Variants in ATE1 observed in about 807,000 individuals in gnomAD.
ATE1 encodes arginyltransferase 1.
ATE1 carries 36 observed loss-of-function variants against 70.5 expected under a neutral mutation model. That is an observed-to-expected ratio of 0.51 (90% confidence interval 0.39 to 0.67). The LOEUF (loss-of-function observed/expected upper bound fraction) is 0.67. ATE1 is among the 30% of genes least tolerant of loss of function. ATE1 has a pLI of 0.00. For missense variants in ATE1, 593 were observed against 629.5 expected, an observed-to-expected ratio of 0.94 and a Z score of 0.62; for synonymous variants, 232 against 219.3, an observed-to-expected ratio of 1.06 and a Z score of -0.51.
At chr10:121,826,366 C>T (rs1009456892) in intron 10 of ATE1, among the ~76,000 whole-genome samples, 2 of 152,086 alleles carry the variant, frequency 1.3e-5, no homozygotes, top group Non-Finnish European at 2.9e-5. Context: ...AGTGCAGTGG[C>T]GCAATCTCGG....
chr10:121,853,044 T>C (rs1949113385), intron 8 of ATE1, among the ~76,000 whole-genome samples: 1 of 152,136 alleles, frequency 6.6e-6, no homozygotes, highest in Non-Finnish European at 1.5e-5. Context: ...TATTTTTCAA[T>C]AAACATGCAT....
intron 3 of ATE1, among the ~76,000 whole-genome samples, chr10:121,915,725 T>C (rs1035454551): frequency 2.7e-5 from 4 of 146,880 alleles, no homozygotes; most frequent in Admixed American, 6.8e-5. Flanking sequence ...CTGTCTCTAA[T>C]AAAAATACAA....
chr10:121,802,387 C>T (rs1946922104), intron 10 of ATE1, among the ~76,000 whole-genome samples: 1 of 151,952 alleles, frequency 6.6e-6, no homozygotes, highest in African/African-American at 2.4e-5. Flanking sequence ...TGGCCCACTG[C>T]AACCTCCGCC....
intron 10 of ATE1, among the ~76,000 whole-genome samples, chr10:121,807,925 GC>G (rs552895892): frequency 9.4e-4 from 143 of 152,264 alleles, no homozygotes; most frequent in Middle Eastern, 6.8e-3. Flanking sequence ...TTCACACACT[GC>G]CTGTGGCTGC....
At chr10:121,819,915 G>A in intron 10 of ATE1, among the ~76,000 whole-genome samples, 1 of 151,996 alleles carries the variant, frequency 6.6e-6, no homozygotes, top group East Asian at 1.9e-4. Context: ...GGAGGCCAAG[G>A]TGGGCAGATC....
At chr10:121,862,914 C>T (rs1044894205) in intron 8 of ATE1, among the ~76,000 whole-genome samples, 8 of 149,792 alleles carry the variant, frequency 5.3e-5, no homozygotes, top group African/African-American at 1.9e-4. Context: ...TTCTGAATAA[C>T]CCACCCTTTA....
chr10:121,816,539 G>A lies in ATE1; in HGVS notation c.1257+20179C>T, dbSNP rs187142032. On this transcript the variant is annotated intron_variant, in intron 10 of 11. Transcript: ENST00000224652. ...TGTTCCCTTTTTGTCCTTCTGCCCC[G>A]TGAGGACACTATTTGTCCCCTTTTT... Among the ~76,000 whole-genome samples, 40 of 152,182 alleles carry A rather than the reference G, an allele frequency of 2.6e-4. No individual in the cohort carries two copies. In the East Asian group the frequency reaches 5.8e-3, roughly 22 times the overall value.
intron 10 of ATE1, among the ~76,000 whole-genome samples, chr10:121,803,211 G>A (rs1203055352): frequency 6.6e-6 from 1 of 152,122 alleles, no homozygotes; most frequent in Admixed American, 6.6e-5. Flanking sequence ...TGCATATGAA[G>A]AATTCCTTGT....
intron 11 of ATE1, among the ~76,000 whole-genome samples, chr10:121,764,444 C>G (rs1379808102): frequency 6.7e-6 from 1 of 148,260 alleles, no homozygotes; most frequent in Non-Finnish European, 1.5e-5. Context: ...TGAGACCAGC[C>G]CAGGCAACAT....
chr10:121,784,729 T>C (rs531757096), intron 11 of ATE1, among the ~76,000 whole-genome samples: 121 of 152,138 alleles, frequency 8.0e-4, no homozygotes, highest in African/African-American at 2.8e-3. Flanking sequence ...TGTGATGGCT[T>C]GCACCTACAA....
At chr10:121,897,130 G>A (rs981954426) in intron 7 of ATE1, among the ~76,000 whole-genome samples, 7 of 152,080 alleles carry the variant, frequency 4.6e-5, no homozygotes, top group African/African-American at 1.7e-4. Flanking sequence ...TAATTCTAAA[G>A]GCACTGGAAT....
At chr10:121,880,889 A>G (rs559038604) in intron 7 of ATE1, among the ~76,000 whole-genome samples, 1 of 152,312 alleles carries the variant, frequency 6.6e-6, no homozygotes, top group South Asian at 2.1e-4. Context: ...GATGCTCTTC[A>G]GTTTTAATGT....
chr10:121,778,144 T>C (rs967826887), intron 11 of ATE1, among the ~76,000 whole-genome samples: 2 of 152,196 alleles, frequency 1.3e-5, no homozygotes, highest in African/African-American at 4.8e-5. Flanking sequence ...ACTGAAAACC[T>C]CACGTTTAAC....
chr10:121,906,177 T>A (rs1043185917), intron 5 of ATE1, among the ~76,000 whole-genome samples: 1 of 152,144 alleles, frequency 6.6e-6, no homozygotes, highest in Non-Finnish European at 1.5e-5. Context: ...GAGGACTCCT[T>A]AAGCACAGGA....
intron 8 of ATE1, among the ~76,000 whole-genome samples, chr10:121,848,593 G>A (rs1483714882): frequency 6.7e-6 from 1 of 148,274 alleles, no homozygotes; most frequent in Non-Finnish European, 1.5e-5. Context: ...ACTCCAGCCT[G>A]GGCAACAAGA....
At chr10:121,839,731 C>T (rs1439445184) in intron 9 of ATE1, among the ~76,000 whole-genome samples, 3 of 151,964 alleles carry the variant, frequency 2.0e-5, no homozygotes, top group Admixed American at 6.6e-5. Context: ...TAAAAATTGG[C>T]ATTAAGAAAA....
intron 5 of ATE1, among the ~76,000 whole-genome samples, chr10:121,904,271 C>T (rs1192595495): frequency 2.0e-5 from 3 of 151,638 alleles, no homozygotes; most frequent in South Asian, 2.1e-4. Context: ...CGTGAGCCAC[C>T]GCACCTGGCC....
chr10:121,913,175 G>A (rs1442147617), intron 4 of ATE1, among the ~76,000 whole-genome samples: 1 of 151,898 alleles, frequency 6.6e-6, no homozygotes, highest in African/African-American at 2.4e-5. Context: ...CACTGCCCCC[G>A]GCCCCAATAT....
chr10:121,893,460 T>A (rs903032901), intron 7 of ATE1, among the ~76,000 whole-genome samples: 2 of 151,964 alleles, frequency 1.3e-5, no homozygotes, highest in East Asian at 3.9e-4. Context: ...AATAAACTGG[T>A]TAACGTAAGA....
Sources: allele counts gnomAD v4.1 joint callset (sites outside exome capture counted in the v4.1 genomes callset), GRCh38; gene constraint gnomAD v4.1.1; transcripts MANE v1.5; gene names NCBI Gene and HGNC (gene_info 2026-07-23, HGNC 2026-07-21).